The following PPM1H variants were observed in gnomAD, a reference collection of about 807,000 sequenced individuals.
PPM1H encodes protein phosphatase, Mg2+/Mn2+ dependent 1H, also known as protein phosphatase 1H.
PPM1H carries 27 observed loss-of-function variants against 54.9 expected under a neutral mutation model. That is an observed-to-expected ratio of 0.49 (90% CI 0.36 to 0.68). The LOEUF (loss-of-function observed/expected upper bound fraction) is 0.68. Ranked by LOEUF, PPM1H falls within the 30% of genes least tolerant of loss-of-function variation. The pLI is 0.00. For synonymous variants in PPM1H, 305 were observed against 270.8 expected, an observed-to-expected ratio of 1.13 and a Z score of -1.24; for missense variants, 596 against 667.8, an observed-to-expected ratio of 0.89 and a Z score of 1.19.
At chr12:62,886,206 C>T (rs1048245665) in intron 1 of PPM1H, among the ~76,000 whole-genome samples, 12 of 152,180 alleles carry the variant, frequency 7.9e-5, no homozygotes, top group South Asian at 2.1e-4. Flanking sequence ...TGACACTCTA[C>T]GCCATGACTA....
chr12:62,684,122 G>A (rs187638778), intron 8 of PPM1H, among the ~76,000 whole-genome samples: 3 of 152,274 alleles, frequency 2.0e-5, no homozygotes, highest in African/African-American at 7.2e-5. Flanking sequence ...ACCTGGCTGG[G>A]AACATTTTCC....
chr12:62,711,257 G>A (rs2076205593), intron 6 of PPM1H, among the ~76,000 whole-genome samples: 1 of 152,208 alleles, frequency 6.6e-6, no homozygotes, highest in African/African-American at 2.4e-5. Flanking sequence ...CTCCCAAAGT[G>A]TTGGGATTAC....
chr12:62,768,640 G>T (rs1026523202), intron 4 of PPM1H, among the ~76,000 whole-genome samples: 4 of 143,140 alleles, frequency 2.8e-5, no homozygotes, highest in Non-Finnish European at 6.0e-5. Context: ...GGGCAACAGA[G>T]TGAGACTCTG....
chr12:62,915,967 A>C lies in PPM1H; in HGVS notation c.245+18525T>G, dbSNP rs140661697. Among the ~76,000 whole-genome samples, 371 of 152,282 alleles carry C rather than the reference A, an allele frequency of 2.4e-3. 1 individual carries two copies. Among genetic ancestry groups the C allele is most frequent in the African/African-American group, 8.6e-3 (358 of 41,562 alleles). On this transcript the variant is annotated intron_variant, in intron 1 of 9. Transcript: ENST00000228705. ...AAACCTGTTCTTCCAGGGTTCGAAC[A>C]GTCAGTCAGCTTTGCTCACCCCTTC...
At chr12:62,696,497 C>T (rs545848477) in intron 6 of PPM1H, among the ~76,000 whole-genome samples, 83 of 152,268 alleles carry the variant, frequency 5.5e-4, no homozygotes, top group African/African-American at 1.9e-3. Context: ...ACCTTCTCCC[C>T]CTCCATCTTT....
Position 62,870,842 on chromosome 12 carries a change from G to A in PPM1H, c.246-38563C>T, listed in dbSNP as rs150545477. ...CAACATCTTTAGTCATTAGGGAAAT[G>A]CATATCAAAACCACAATGAAATACC... On this transcript the variant is annotated intron_variant, in intron 1 of 9. Transcript: ENST00000228705. Among the ~76,000 whole-genome samples, 798 of 152,302 alleles carry A rather than the reference G, an allele frequency of 5.2e-3. 7 individuals are homozygous for A. Among genetic ancestry groups the A allele is most frequent in the South Asian group, 0.033 (157 of 4,824 alleles).
chr12:62,671,292 G>C (rs558421427), intron 8 of PPM1H, among the ~76,000 whole-genome samples: 1 of 152,238 alleles, frequency 6.6e-6, no homozygotes, highest in South Asian at 2.1e-4. Context: ...GTGGGACTGG[G>C]GGACATGGTC....
intron 1 of PPM1H, among the ~76,000 whole-genome samples, chr12:62,837,074 G>A (rs925471804): frequency 2.0e-5 from 3 of 152,174 alleles, no homozygotes; most frequent in Non-Finnish European, 4.4e-5. Flanking sequence ...GATTCATTCT[G>A]TGTTACCATG....
chr12:62,920,843 ATGAC>A (rs1186541796), intron 1 of PPM1H, among the ~76,000 whole-genome samples: 4 of 152,156 alleles, frequency 2.6e-5, no homozygotes, highest in Non-Finnish European at 5.9e-5. Context: ...AAGGCATATA[ATGAC>A]TATTAGTACA....
At chr12:62,891,037 A>T (rs1870776712) in intron 1 of PPM1H, among the ~76,000 whole-genome samples, 2 of 133,450 alleles carry the variant, frequency 1.5e-5, no homozygotes, top group South Asian at 2.6e-4. Flanking sequence ...TGATCCCAGG[A>T]GGTGGAGGTT....
chr12:62,893,229 G>A (rs978095664), intron 1 of PPM1H, among the ~76,000 whole-genome samples: 1 of 152,158 alleles, frequency 6.6e-6, no homozygotes, highest in African/African-American at 2.4e-5. Flanking sequence ...TGCTAGGGTT[G>A]CCTTAACAAA....
At chr12:62,766,035 C>T (rs1355719698) in intron 4 of PPM1H, among the ~76,000 whole-genome samples, 2 of 152,146 alleles carry the variant, frequency 1.3e-5, no homozygotes, top group Non-Finnish European at 2.9e-5. Flanking sequence ...TGGGGACTGC[C>T]AGATGGGTGC....
chr12:62,842,662 T>C (rs1868798372), intron 1 of PPM1H, among the ~76,000 whole-genome samples: 1 of 152,228 alleles, frequency 6.6e-6, no homozygotes, highest in Non-Finnish European at 1.5e-5. Context: ...AGAAGGGGAC[T>C]GTTATGTAGT....
rs191487899 is a variant in PPM1H, at chr12:62,844,478, C to A, written c.246-12199G>T. The stretch of plus-strand genomic sequence containing the variant: ...ATGATTCAGGCTACGTAGCCACATT[C>A]CCCTCAAGGCTCAAGATAACTTAAA... On this transcript the variant is annotated intron_variant, in intron 1 of 9. Transcript: ENST00000228705. This position sits in a 1 kb window ranked among gnomAD's most constrained non-coding sequence, Gnocchi z 5.2. Among the ~76,000 whole-genome samples, 484 of 152,302 alleles carry A rather than the reference C, an allele frequency of 3.2e-3. 1 individual carries two copies. The highest frequency in any genetic ancestry group is 5.7e-3 in the Admixed American group (87 of 15,308).
At chr12:62,912,071 A>C (rs10877927) in intron 1 of PPM1H, among the ~76,000 whole-genome samples, 31,851 of 152,198 alleles carry the variant, frequency 0.21, 3,470 homozygotes, top group East Asian at 0.35. Flanking sequence ...TCAATTAAAA[A>C]AGAAAAAGAT....
In PPM1H at chr12:62,804,351, C is replaced by CAAAAAA. The variant is rs371143962; in HGVS notation, c.412-2197_412-2192dup. On this transcript the variant is annotated intron_variant, in intron 2 of 9. Transcript: ENST00000228705. ...CTGGGGTGACAGAGTGACCCTGTCT[C>CAAAAAA]AAAAAAAAAAGATTGTTTAAGAAAA... is the stretch of plus-strand genomic sequence containing the variant. Among the ~76,000 whole-genome samples, 7 of 137,672 alleles carry CAAAAAA rather than the reference C, an allele frequency of 5.1e-5. No individual in the cohort carries two copies. In the South Asian group the frequency reaches 6.9e-4, roughly 14 times the overall value. The allele number at this position is 137,672 out of a possible 152,430, so 90.3% of individuals were successfully genotyped here. A position where few individuals can be genotyped will look rare whatever the true frequency, so the allele number is the denominator to read the frequency against.
chr12:62,718,174 C>G (rs1165462836), intron 6 of PPM1H, among the ~76,000 whole-genome samples: 1 of 152,178 alleles, frequency 6.6e-6, no homozygotes, highest in Non-Finnish European at 1.5e-5. Flanking sequence ...GCACTGGTGT[C>G]CCCCTCAAGG....
chr12:62,659,759 T>C (rs955213384), intron 9 of PPM1H, among the ~76,000 whole-genome samples: 1 of 152,220 alleles, frequency 6.6e-6, no homozygotes, highest in Non-Finnish European at 1.5e-5. Context: ...TGGGAGATCC[T>C]GGTAAGACTC....
chr12:62,690,135 G>A (rs1169448990), intron 7 of PPM1H, among the ~76,000 whole-genome samples: 1 of 152,120 alleles, frequency 6.6e-6, no homozygotes, highest in African/African-American at 2.4e-5. Context: ...GTCTACAGCT[G>A]CAGAAATCAG....
Sources: gnomAD v4.1 joint callset for allele counts (sites outside exome capture counted in the v4.1 genomes callset) on GRCh38, gnomAD v4.1.1 for gene constraint, Gnocchi (gnomAD v3.1) non-coding constraint, MANE v1.5 for transcripts, NCBI Gene and HGNC (gene_info 2026-07-23, HGNC 2026-07-21) for gene names.